Variants in XKR6 observed in about 807,000 individuals in gnomAD.
XKR6 encodes the protein XK related 6, also known as XK-related protein 6.
Under a neutral mutation model 56.7 loss-of-function variants are expected in XKR6, and 22 were observed. The observed-to-expected ratio is 0.39, with a 90% CI of 0.28 to 0.55. The LOEUF (loss-of-function observed/expected upper bound fraction) is 0.55. Ranked by LOEUF, XKR6 falls within the 20% of genes least tolerant of loss-of-function variation. The probability of loss-of-function intolerance (pLI) is 0.66; values close to 1 mark genes in which losing one functional copy is unlikely to be tolerated. For synonymous variants in XKR6, 524 were observed against 387.8 expected, an observed-to-expected ratio of 1.35 and a Z score of -4.13; for missense variants, 852 against 889.0, an observed-to-expected ratio of 0.96 and a Z score of 0.53.
Position 11,095,227 on chromosome 8 carries a change from TG to T in XKR6, c.764+105348del, listed in dbSNP as rs371762984. Among the ~76,000 whole-genome samples the T allele has an allele frequency of 2.1e-3, 326 of 152,378 alleles. 2 individuals carry two copies. Among genetic ancestry groups the T allele is most frequent in the African/African-American group, 7.4e-3 (309 of 41,588 alleles). ...TTTGGTTGACTTTCTTTCCCCAAAC[TG>T]CAAATATTATCTGCAAGGTCAACCC... On this transcript the variant is annotated intron_variant, in intron 1 of 2. Coordinates refer to ENST00000416569, the MANE Select transcript of XKR6 (RefSeq NM_173683.4).
intron 1 of XKR6, among the ~76,000 whole-genome samples, chr8:11,084,981 G>T (rs1050136212): frequency 6.6e-6 from 1 of 152,074 alleles, no homozygotes; most frequent in Non-Finnish European, 1.5e-5. Context: ...CAGGGTAAAT[G>T]CCCCGCAACC....
chr8:11,135,454 A>AG (rs1800340513), intron 1 of XKR6, among the ~76,000 whole-genome samples: 1 of 152,332 alleles, frequency 6.6e-6, no homozygotes, highest in South Asian at 2.1e-4. Flanking sequence ...ACAGTTTAAT[A>AG]TTGCTATCTT....
rs1804200352 is a variant in XKR6, at chr8:11,201,067, C to T, written c.273G>A (p.Gly91=). ...CCGCGGGAGGCTGCAGCGGCTGGTC[C>T]CCCCCGTCGGCGGCGGCGCTGCGGC... ...KPRRSAAADG[G]DQPLQPPAAP... is the part of the protein sequence containing the mutation. The change falls in exon 1 of 3, where the codon GGG becomes GGA. Residue 91 remains glycine (G), a synonymous_variant. Coordinates refer to ENST00000416569, the MANE Select transcript of XKR6 (RefSeq NM_173683.4). 1 of 1,316,436 alleles carries T rather than the reference C, an allele frequency of 7.6e-7. No individual in the cohort carries two copies. The highest frequency in any genetic ancestry group is 9.7e-7 in the Non-Finnish European group (1 of 1,035,510). 81.5% of individuals were successfully genotyped at this position (1,316,436 alleles called of 1,614,324 possible).
chr8:11,029,009 T>G (rs1312744101), intron 1 of XKR6, among the ~76,000 whole-genome samples: 1 of 152,186 alleles, frequency 6.6e-6, no homozygotes, highest in Non-Finnish European at 1.5e-5. Flanking sequence ...CAATACCTCA[T>G]GCGCCTGGAA....
chr8:10,986,605 A>T (rs28712221), intron 1 of XKR6, among the ~76,000 whole-genome samples: 49,125 of 152,108 alleles, frequency 0.32, 8,430 homozygotes, highest in Middle Eastern at 0.43. Flanking sequence ...GAGGCAGTAG[A>T]ATGTCATAGT....
At chr8:11,078,463 C>T (rs1457641960) in intron 1 of XKR6, among the ~76,000 whole-genome samples, 3 of 152,192 alleles carry the variant, frequency 2.0e-5, no homozygotes, top group Admixed American at 6.5e-5. Flanking sequence ...CACTATTCCA[C>T]GTGCTGCTGA....
chr8:10,927,159 T>C (rs1462086756), intron 1 of XKR6, among the ~76,000 whole-genome samples: 1 of 152,080 alleles, frequency 6.6e-6, no homozygotes, highest in Admixed American at 6.6e-5. Context: ...GAGCCCCTGA[T>C]GGAGGGTGAT....
chr8:11,025,455 G>C (rs965237262), intron 1 of XKR6, among the ~76,000 whole-genome samples: 1 of 152,198 alleles, frequency 6.6e-6, no homozygotes, highest in African/African-American at 2.4e-5. Context: ...GGGGTGCAGG[G>C]AGGGGTTGCC....
rs189923952 is a variant in XKR6 at position 11,062,920 on chromosome 8, C to G, written c.764+137656G>C. 4.3e-3 allele frequency: 1,935 copies of G among 450,040 alleles called. 12 individuals are homozygous for G. Among genetic ancestry groups the G allele is most frequent in the Middle Eastern group, 0.025 (75 of 3,046 alleles). The allele number at this position is 450,040 out of a possible 1,614,324, so 27.9% of individuals were successfully genotyped here. A position where few individuals can be genotyped will look rare whatever the true frequency, so the allele number is the denominator to read the frequency against. On this transcript the variant is annotated intron_variant, in intron 1 of 2. Transcript: ENST00000416569. ...CTGAAATTCCCCCACAGGTAATTCT[C>G]TATTCTCTTTCTTCATGCATTGGCT...
chr8:11,002,485 A>G, intron 1 of XKR6: 1 of 396,318 alleles, frequency 2.5e-6, no homozygotes, highest in Non-Finnish European at 5.3e-6. Flanking sequence ...AAAAGACTCA[A>G]GAATCAAAGC....
chr8:11,013,463 T>A (rs1798545226), intron 1 of XKR6, among the ~76,000 whole-genome samples: 1 of 152,232 alleles, frequency 6.6e-6, no homozygotes, highest in Admixed American at 6.5e-5. Flanking sequence ...TTTCCCCAGC[T>A]GCCTCTAGGG....
intron 1 of XKR6, among the ~76,000 whole-genome samples, chr8:10,950,819 C>G (rs1039750354): frequency 4.1e-5 from 6 of 147,264 alleles, no homozygotes; most frequent in African/African-American, 1.2e-4. Context: ...CTTTCCAGGT[C>G]AGGCAGCTTG....
At chr8:10,939,671 C>T (rs1801331626) in intron 1 of XKR6, among the ~76,000 whole-genome samples, 1 of 152,238 alleles carries the variant, frequency 6.6e-6, no homozygotes, top group South Asian at 2.1e-4. Context: ...GTTCGTAAAG[C>T]TTCCCCTAAG....
At chr8:11,124,966 G>A (rs1395279100) in intron 1 of XKR6, 3 of 151,226 alleles carry the variant, frequency 2.0e-5, no homozygotes, top group Non-Finnish European at 4.4e-5. Context: ...GCAGATGCCT[G>A]TAGTCCCAGC....
chr8:11,200,148 G>A lies in XKR6; in HGVS notation c.764+428C>T, dbSNP rs751378752. 1.8e-4 allele frequency among the ~76,000 whole-genome samples: 27 copies of A among 152,320 alleles called. No individual in the cohort carries two copies. Among genetic ancestry groups the A allele is most frequent in the Non-Finnish European group, 2.8e-4 (19 of 68,030 alleles). On this transcript the variant is annotated intron_variant, in intron 1 of 2. Coordinates refer to ENST00000416569, the MANE Select transcript of XKR6 (RefSeq NM_173683.4). The surrounding 1 kb of genome is among the most constrained non-coding windows in gnomAD (Gnocchi z 6.4). Reference sequence around the variant, plus strand: ...CTGCAGAGGGAGAACGGGGGAAGAGGGGAGGATGTCTCACCTGGGAACAAA... The same window carrying A: ...CTGCAGAGGGAGAACGGGGGAAGAGAGGAGGATGTCTCACCTGGGAACAAA...
At position 11,180,622 on chromosome 8, in the gene XKR6, C is replaced by A. The variant is rs146508146; in HGVS notation, c.764+19954G>T. Among the ~76,000 whole-genome samples, 170 of 152,284 alleles carry A rather than the reference C, an allele frequency of 1.1e-3. 1 individual carries two copies. Among genetic ancestry groups the A allele is most frequent in the African/African-American group, 3.9e-3 (161 of 41,554 alleles). Reference sequence around the variant, plus strand: ...TGGTTGAAATACAAAGTTGTCATGACTGGACGGCACAGTGGCTCACACCTG... The same window carrying A: ...TGGTTGAAATACAAAGTTGTCATGAATGGACGGCACAGTGGCTCACACCTG... On this transcript the variant is annotated intron_variant, in intron 1 of 2. Coordinates refer to ENST00000416569, the MANE Select transcript of XKR6 (RefSeq NM_173683.4).
intron 1 of XKR6, among the ~76,000 whole-genome samples, chr8:11,191,958 G>C (rs1803602426): frequency 6.6e-6 from 1 of 151,994 alleles, no homozygotes; most frequent in South Asian, 2.1e-4. Context: ...TCATATTTGA[G>C]GTGAAGTATT....
chr8:11,091,056 A>G (rs996572789), intron 1 of XKR6, among the ~76,000 whole-genome samples: 1 of 152,086 alleles, frequency 6.6e-6, no homozygotes, highest in African/African-American at 2.4e-5. Context: ...CTTAGGTGAG[A>G]GGTAGGAAAG....
chr8:11,049,332 T>C (rs910983043), intron 1 of XKR6, among the ~76,000 whole-genome samples: 7 of 152,218 alleles, frequency 4.6e-5, no homozygotes, highest in Non-Finnish European at 8.8e-5. Flanking sequence ...TCTCAGGACA[T>C]GACCCGGCAG....
Sources: allele counts gnomAD v4.1 joint callset (sites outside exome capture counted in the v4.1 genomes callset), GRCh38; gene constraint gnomAD v4.1.1; non-coding constraint Gnocchi (gnomAD v3.1); transcripts MANE v1.5; gene names NCBI Gene and HGNC (gene_info 2026-07-23, HGNC 2026-07-21).